ZNF521: variants seen among roughly 807,000 people sequenced by gnomAD.
ZNF521 encodes zinc finger protein 521, also known as LYST-interacting protein 3.
Under a neutral mutation model 105.5 loss-of-function variants are expected in ZNF521, and 14 were observed. The ratio of observed to expected loss-of-function variants is 0.13; its 90% CI spans 0.09 to 0.21. The LOEUF is 0.21. ZNF521 is among the 10% of genes least tolerant of loss of function. The probability of loss-of-function intolerance (pLI) is 1.00; values close to 1 mark genes in which losing one functional copy is unlikely to be tolerated. For missense variants in ZNF521, 1,233 were observed against 1,629.7 expected (o/e 0.76, Z 4.19); for synonymous variants, 635 against 606.0 (o/e 1.05, Z -0.70).
At chr18:25,157,737 G>A (rs2035173597) in intron 5 of ZNF521, among the ~76,000 whole-genome samples, 1 of 152,060 alleles carries the variant, frequency 6.6e-6, no homozygotes, top group African/African-American at 2.4e-5. Flanking sequence ...GTGTGGCCTT[G>A]GGGAAGCTAC....
intron 4 of ZNF521, among the ~76,000 whole-genome samples, chr18:25,213,824 C>T (rs922680375): frequency 2.0e-5 from 3 of 152,000 alleles, no homozygotes; most frequent in African/African-American, 7.2e-5. Flanking sequence ...CTATACTTCT[C>T]TTTTTTTCTT....
chr18:25,168,340 T>G (rs1481583694), intron 5 of ZNF521, among the ~76,000 whole-genome samples: 1 of 152,204 alleles, frequency 6.6e-6, no homozygotes, highest in Non-Finnish European at 1.5e-5. Context: ...CGGAAACTGT[T>G]GGCTCCACAT....
rs58535888 is a variant in ZNF521, at chr18:25,092,741, C to T, written c.3659-660G>A. 5.3e-3 allele frequency among the ~76,000 whole-genome samples: 813 copies of T among 152,234 alleles called. 12 individuals are homozygous for T. The highest frequency in any genetic ancestry group is 0.019 in the African/African-American group (790 of 41,548). On this transcript the variant is annotated intron_variant, in intron 5 of 7. Transcript: ENST00000361524. ...TTCTCCAAAGCACTTTTGTGACCTC[C>T]AGGCTCACTTGACTAGCCCTGAATT...
At chr18:25,198,534 A>G (rs2035939270) in intron 4 of ZNF521, among the ~76,000 whole-genome samples, 1 of 151,888 alleles carries the variant, frequency 6.6e-6, no homozygotes, top group Non-Finnish European at 1.5e-5. Flanking sequence ...CTTTGTAGAA[A>G]TCAAACTGCT....
At chr18:25,342,651 A>C (rs560065899) in intron 2 of ZNF521, among the ~76,000 whole-genome samples, 12 of 151,784 alleles carry the variant, frequency 7.9e-5, no homozygotes, top group African/African-American at 1.2e-4. Flanking sequence ...GATGGTCTCG[A>C]TCTCCTGACC....
intron 7 of ZNF521, among the ~76,000 whole-genome samples, chr18:25,078,876 AG>A (rs2033426288): frequency 6.6e-6 from 1 of 152,194 alleles, no homozygotes. Flanking sequence ...GTGGGAGTGC[AG>A]AGGGCGGGGG....
chr18:25,198,926 A>G (rs963897274), intron 4 of ZNF521, among the ~76,000 whole-genome samples: 2 of 151,990 alleles, frequency 1.3e-5, no homozygotes, highest in Non-Finnish European at 2.9e-5. Context: ...AGCAAAAGAT[A>G]TATCTTTACA....
chr18:25,066,640 A>T (rs927933330), intron 7 of ZNF521, among the ~76,000 whole-genome samples: 1 of 152,224 alleles, frequency 6.6e-6, no homozygotes, highest in African/African-American at 2.4e-5. Flanking sequence ...AGGATAAAAA[A>T]GTAGACAGCA....
rs544840534 is a variant in ZNF521 at position 25,164,300 on chromosome 18, T to C, written c.3658+30860A>G. Among the ~76,000 whole-genome samples, 16 of 152,250 alleles carry C rather than the reference T, an allele frequency of 1.1e-4. No homozygotes were observed. In the East Asian group the frequency reaches 3.1e-3, roughly 29 times the overall value. On this transcript the variant is annotated intron_variant, in intron 5 of 7. Coordinates refer to ENST00000361524, the MANE Select transcript of ZNF521 (RefSeq NM_015461.3). ...GGAAGCATGTCTAAAGATGTCCAAG[T>C]AGTCGTGACAGGGCAGGAGAGCCAA...
At chr18:25,160,046 T>G (rs1049981586) in intron 5 of ZNF521, among the ~76,000 whole-genome samples, 3 of 152,116 alleles carry the variant, frequency 2.0e-5, no homozygotes, top group African/African-American at 7.2e-5. Flanking sequence ...GATGGGAAGA[T>G]GAGGGTATGC....
chr18:25,110,699 T>C (rs34979937), intron 5 of ZNF521, among the ~76,000 whole-genome samples: 53,719 of 150,946 alleles, frequency 0.36, 9,601 homozygotes, highest in East Asian at 0.47. Context: ...AAAAAAAAAA[T>C]TGTGTGTTTC....
chr18:25,304,762 C>T lies in ZNF521; in HGVS notation c.220+17246G>A, dbSNP rs143361307. Among the ~76,000 whole-genome samples the T allele has an allele frequency of 1.6e-4, 24 of 152,284 alleles. 1 individual carries two copies. The highest frequency in any genetic ancestry group is 6.8e-3 in the Middle Eastern group (2 of 294). ...AGCTCCTGTGAACATTTGCCACTCC[C>T]TTCTTTGAAGAGTCACAGAATTTAC... On this transcript the variant is annotated intron_variant, in intron 3 of 7. Transcript: ENST00000361524.
chr18:25,263,732 T>C (rs11083113), intron 3 of ZNF521, among the ~76,000 whole-genome samples: 71,391 of 151,982 alleles, frequency 0.47, 18,598 homozygotes, highest in African/African-American at 0.71. Context: ...CACACTGCCA[T>C]GCCCAGTTAA....
intron 3 of ZNF521, among the ~76,000 whole-genome samples, chr18:25,263,300 A>ATTG (rs1404279302): frequency 6.6e-6 from 1 of 152,062 alleles, no homozygotes; most frequent in Non-Finnish European, 1.5e-5. Flanking sequence ...CATGATCAAG[A>ATTG]TACAGTATCA....
Position 25,117,809 on chromosome 18 carries a change from C to T in ZNF521, c.3659-25728G>A, listed in dbSNP as rs144551896. ...TGTAGTTTTAATGTGAGAAAGAAAA[C>T]GGGAAAAAATAATAGTTTAAAAAAT... On this transcript the variant is annotated intron_variant, in intron 5 of 7. Transcript: ENST00000361524. 3.6e-3 allele frequency among the ~76,000 whole-genome samples: 539 copies of T among 151,572 alleles called. 3 individuals carry two copies. The highest frequency in any genetic ancestry group is 0.012 in the African/African-American group (508 of 41,358).
intron 3 of ZNF521, among the ~76,000 whole-genome samples, chr18:25,254,575 T>C (rs1178362431): frequency 6.6e-6 from 1 of 152,148 alleles, no homozygotes; most frequent in South Asian, 2.1e-4. Context: ...ATTTACTAGA[T>C]CAAGGTAGCT....
chr18:25,155,279 G>A (rs2035122375), intron 5 of ZNF521, among the ~76,000 whole-genome samples: 1 of 152,100 alleles, frequency 6.6e-6, no homozygotes, highest in Admixed American at 6.5e-5. Flanking sequence ...AGTTGTATGA[G>A]TTCTTTATTA....
intron 5 of ZNF521, among the ~76,000 whole-genome samples, chr18:25,159,372 G>A (rs369302862): frequency 7.9e-5 from 12 of 152,190 alleles, no homozygotes; most frequent in African/African-American, 2.9e-4. Flanking sequence ...TGGGGGCAGG[G>A]TAGAAAGAAA....
At chr18:25,339,785 G>T (rs1375806983) in intron 2 of ZNF521, among the ~76,000 whole-genome samples, 3 of 152,134 alleles carry the variant, frequency 2.0e-5, no homozygotes, top group Non-Finnish European at 4.4e-5. Flanking sequence ...TTGACATATG[G>T]GGTATAAGGG....
Sources: gnomAD v4.1 joint callset for allele counts (sites outside exome capture counted in the v4.1 genomes callset) on GRCh38, gnomAD v4.1.1 for gene constraint, MANE v1.5 for transcripts, NCBI Gene and HGNC (gene_info 2026-07-23, HGNC 2026-07-21) for gene names.